The following ZNF570 variants were observed in gnomAD, a reference collection of about 807,000 sequenced individuals.
ZNF570 encodes the protein zinc finger protein 570.
Under a neutral mutation model 14.2 loss-of-function variants are expected in ZNF570, and 8 were observed. The observed-to-expected ratio is 0.56, with a 90% CI of 0.33 to 1.02. The LOEUF is 1.02. Ranked by LOEUF, ZNF570 falls within the 50% of genes least tolerant of loss-of-function variation. The pLI, the probability that ZNF570 is intolerant of heterozygous loss-of-function variation, is 0.03. For missense variants in ZNF570, 559 were observed against 624.9 expected (o/e 0.89, Z 1.12); for synonymous variants, 202 against 207.6 (o/e 0.97, Z 0.23).
chr19:37,469,791 G>T, intron 1 of ZNF570: 1 of 580,390 alleles, frequency 1.7e-6, no homozygotes, highest in South Asian at 2.0e-5. Flanking sequence ...TATGGGAAAG[G>T]GTGCCCGTGT....
At chr19:37,472,331 A>G (rs2041975223) in intron 2 of ZNF570, among the ~76,000 whole-genome samples, 1 of 146,714 alleles carries the variant, frequency 6.8e-6, no homozygotes, top group African/African-American at 2.5e-5. Flanking sequence ...TCTGTTCTCA[A>G]TGGAGCAGCC....
chr19:37,478,579 A>G (rs2042053094), intron 4 of ZNF570, among the ~76,000 whole-genome samples: 1 of 142,464 alleles, frequency 7.0e-6, no homozygotes, highest in Admixed American at 7.0e-5. Context: ...TATAATATGA[A>G]TCGAAGTAGT....
intron 4 of ZNF570, among the ~76,000 whole-genome samples, chr19:37,478,109 A>C (rs2042047600): frequency 6.6e-6 from 1 of 152,232 alleles, no homozygotes; most frequent in African/African-American, 2.4e-5. Context: ...TTTCTATCAG[A>C]AAACAACAAA....
chr19:37,484,288 CTG>C lies in ZNF570; in HGVS notation c.669_670del (p.Cys223Ter). ...AGAAGAAACTTTTGAAATGTAATGA[CTG>C]TGAAAAAGTCTTCAGCCAGAGTTCA... ...AEKKLLKCND[C>X]EKVFSQSSSL... On this transcript the variant is annotated frameshift_variant, in exon 5 of 5. Coordinates refer to ENST00000330173, the MANE Select transcript of ZNF570 (RefSeq NM_144694.5). LOFTEE classifies it low-confidence loss of function (END_TRUNC). The C allele has an allele frequency of 6.2e-7, 1 of 1,613,370 alleles. No homozygotes were observed. The highest frequency in any genetic ancestry group is 8.5e-7 in the Non-Finnish European group (1 of 1,179,858).
At chr19:37,483,835 G>T in intron 4 of ZNF570, 44 bp from the exon 5 acceptor site, 2 of 1,521,654 alleles carry the variant, frequency 1.3e-6, no homozygotes, top group South Asian at 1.3e-5. Context: ...TGTACTTTCT[G>T]ATACTCAATA....
At chr19:37,468,246 C>T (rs1006953585), upstream of ZNF570, among the ~76,000 whole-genome samples, 1 of 151,738 alleles carries the variant, frequency 6.6e-6, no homozygotes, top group African/African-American at 2.4e-5. Flanking sequence ...ACACTCCGCC[C>T]GGCTGATTTT....
At chr19:37,472,672 G>T (rs575241209) in intron 2 of ZNF570, among the ~76,000 whole-genome samples, 21 of 151,578 alleles carry the variant, frequency 1.4e-4, no homozygotes, top group African/African-American at 5.1e-4. Flanking sequence ...AACCTGGGAG[G>T]TGGAGGTTGC....
At chr19:37,482,560 TCCCACCAGGC>T (rs2042099345) in intron 4 of ZNF570, among the ~76,000 whole-genome samples, 2 of 152,118 alleles carry the variant, frequency 1.3e-5, no homozygotes, top group Admixed American at 1.3e-4. Context: ...TCCAGTCACC[TCCCACCAGGC>T]CCCACCTCCA....
chr19:37,474,074 A>G (rs2041998395), intron 2 of ZNF570, among the ~76,000 whole-genome samples: 1 of 152,314 alleles, frequency 6.6e-6, no homozygotes, highest in Admixed American at 6.5e-5. Flanking sequence ...TCTCAGCTGG[A>G]AGCCATGTTT....
chr19:37,481,655 A>G (rs1358090842), intron 4 of ZNF570, among the ~76,000 whole-genome samples: 1 of 151,808 alleles, frequency 6.6e-6, no homozygotes, highest in African/African-American at 2.4e-5. Flanking sequence ...ATTTATTGTG[A>G]TTTTTTTTAT....
chr19:37,469,588 C>T (rs962728444), intron 1 of ZNF570, 31 bp downstream of exon 1: 3 of 1,530,446 alleles, frequency 2.0e-6, no homozygotes, highest in Middle Eastern at 1.7e-4. Flanking sequence ...GGCTGTCACC[C>T]CGTGTGCCTG....
chr19:37,471,509 C>T (rs1600375963), intron 2 of ZNF570, among the ~76,000 whole-genome samples: 1 of 152,330 alleles, frequency 6.6e-6, no homozygotes, highest in African/African-American at 2.4e-5. Flanking sequence ...CTGTTCTCTA[C>T]ACTTACTACC....
At chr19:37,479,869 G>A (rs2042067033) in intron 4 of ZNF570, among the ~76,000 whole-genome samples, 1 of 152,004 alleles carries the variant, frequency 6.6e-6, no homozygotes, top group South Asian at 2.1e-4. Flanking sequence ...GGCTTGCTGT[G>A]TGTTTCTCTT....
intron 4 of ZNF570, 125 bp downstream of exon 4, chr19:37,476,559 T>G: frequency 7.4e-7 from 1 of 1,353,100 alleles, no homozygotes; most frequent in Non-Finnish European, 9.6e-7. Context: ...CATAAAAATT[T>G]GGGGCCATTT....
At chr19:37,468,873 C>CG (rs2041900375), upstream of ZNF570, 1 of 195,034 alleles carries the variant, frequency 5.1e-6, no homozygotes, top group Admixed American at 6.5e-5. Flanking sequence ...TGCATCCCCC[C>CG]CACCCCGCTC....
At position 37,484,558 on chromosome 19, in the gene ZNF570, C is replaced by T; in HGVS notation, c.936C>T (p.Ser312=). The T allele has an allele frequency of 6.2e-7, 1 of 1,614,088 alleles. No homozygotes were observed. Among genetic ancestry groups the T allele is most frequent in the South Asian group, 1.1e-5 (1 of 91,078 alleles). Residue 312 remains serine, a synonymous_variant, in exon 5 of 5, where the codon AGC becomes AGT. Coordinates refer to ENST00000330173, the MANE Select transcript of ZNF570 (RefSeq NM_144694.5). ...YECKVCRKAF[S]QFAYLAQHQR... ...GTAAGGTATGTCGAAAAGCCTTCAG[C>T]CAGTTTGCCTACCTTGCTCAACATC...
At chr19:37,471,637 A>C (rs1270955331) in intron 2 of ZNF570, among the ~76,000 whole-genome samples, 2 of 152,148 alleles carry the variant, frequency 1.3e-5, no homozygotes, top group Non-Finnish European at 2.9e-5. Context: ...GACTGCCTAC[A>C]TCTTCATTTG....
At chr19:37,474,181 T>C (rs907186380) in intron 2 of ZNF570, among the ~76,000 whole-genome samples, 4 of 152,196 alleles carry the variant, frequency 2.6e-5, no homozygotes, top group African/African-American at 9.6e-5. Flanking sequence ...AACCAAGTAT[T>C]TGTTAGGGGT....
intron 4 of ZNF570, among the ~76,000 whole-genome samples, chr19:37,482,921 G>A (rs947567840): frequency 2.7e-5 from 4 of 148,202 alleles, no homozygotes; most frequent in Non-Finnish European, 5.9e-5. Context: ...AAGAAGGTGC[G>A]TGCTTCCCCT....
Sources: allele counts gnomAD v4.1 joint callset (sites outside exome capture counted in the v4.1 genomes callset), GRCh38; gene constraint gnomAD v4.1.1; transcripts MANE v1.5; gene names NCBI Gene and HGNC (gene_info 2026-07-23, HGNC 2026-07-21).